The following FNBP1 variants were observed in gnomAD, a reference collection of about 807,000 sequenced individuals.
FNBP1 encodes formin binding protein 1, also known as formin-binding protein 1.
A neutral mutation model predicts 90.6 loss-of-function variants in FNBP1; 26 were observed. That is an observed-to-expected ratio of 0.29 (90% CI 0.21 to 0.40). The LOEUF (loss-of-function observed/expected upper bound fraction) is 0.40, where lower values mean the gene tolerates loss of function less well. Among genes scored for constraint, FNBP1 ranks in the 10% least tolerant of loss-of-function variants. The pLI is 1.00. For synonymous variants in FNBP1, 260 were observed against 265.2 expected (o/e 0.98, Z 0.19); for missense variants, 635 against 768.0 (o/e 0.83, Z 2.05).
chr9:130,029,901 T>G (rs532339446), intron 1 of FNBP1, among the ~76,000 whole-genome samples: 2 of 152,008 alleles, frequency 1.3e-5, no homozygotes, highest in Non-Finnish European at 2.9e-5. Context: ...GGAGGATTGC[T>G]TGAGCCCGGG....
intron 4 of FNBP1, among the ~76,000 whole-genome samples, chr9:129,969,433 G>A (rs149963161): frequency 9.5e-4 from 145 of 152,246 alleles, no homozygotes; most frequent in Middle Eastern, 6.8e-3. Context: ...GTTTACTGCT[G>A]TATTGTTTAC....
intron 2 of FNBP1, among the ~76,000 whole-genome samples, chr9:129,992,601 T>G (rs994742001): frequency 7.6e-6 from 1 of 131,848 alleles, no homozygotes; most frequent in African/African-American, 2.8e-5. Flanking sequence ...TTGCCCAGGC[T>G]GGAGTGCAGT....
chr9:129,892,414 C>CACAA (rs56282507), intron 16 of FNBP1, among the ~76,000 whole-genome samples: 18,068 of 125,054 alleles, frequency 0.14, 1,631 homozygotes, highest in Middle Eastern at 0.17. Flanking sequence ...CACACACACA[C>CACAA]ACAAAAAGGT....
rs1022291851 is a variant in FNBP1 at position 129,978,590 on chromosome 9, T to C, written c.220A>G (p.Ile74Val). The C allele has an allele frequency of 1.2e-6, 2 of 1,613,788 alleles. No homozygotes were observed. The highest frequency in any genetic ancestry group is 1.3e-5 in the African/African-American group (1 of 74,894). ...EYKYTSCKAF[I>V]SNLNEMNDYA... Reference sequence around the variant, plus strand: ...TCATTCATTTCGTTCAGGTTGGAAATGAAAGCTTTACATGACGTATACCTA... The same window carrying C: ...TCATTCATTTCGTTCAGGTTGGAAACGAAAGCTTTACATGACGTATACCTA... The change falls in exon 4 of 17, where the codon ATT becomes GTT. Residue 74 changes from isoleucine (I) to valine (V), a missense_variant. Physicochemically the swap from Ile to Val is conservative, Grantham distance 29. Transcript: ENST00000446176.
chr9:129,893,637 A>AAAAAAACAAG (rs56397008), intron 16 of FNBP1, among the ~76,000 whole-genome samples: 1 of 62,224 alleles, frequency 1.6e-5, no homozygotes, highest in Non-Finnish European at 2.6e-5. Context: ...AAAAAAAAAA[A>AAAAAAACAAG]GCCAGGCACG....
At chr9:129,964,557 T>G (rs1461977231) in intron 4 of FNBP1, among the ~76,000 whole-genome samples, 1 of 151,904 alleles carries the variant, frequency 6.6e-6, no homozygotes, top group Non-Finnish European at 1.5e-5. Context: ...CCTTCAAATT[T>G]TTTAAAGAAA....
At chr9:129,967,414 G>A (rs1186010631) in intron 4 of FNBP1, among the ~76,000 whole-genome samples, 1 of 152,224 alleles carries the variant, frequency 6.6e-6, no homozygotes, top group Admixed American at 6.5e-5. Flanking sequence ...TACTTGGGAG[G>A]CTGAGGCAGG....
intron 6 of FNBP1, among the ~76,000 whole-genome samples, chr9:129,930,379 T>G (rs1386423013): frequency 2.0e-5 from 3 of 152,132 alleles, no homozygotes; most frequent in Non-Finnish European, 2.9e-5. Flanking sequence ...TCCATGAATT[T>G]TTAAACCCAG....
rs116430879 is a variant in FNBP1, at chr9:129,985,092, G to A, written c.141-5718C>T. 2.8e-3 allele frequency among the ~76,000 whole-genome samples: 419 copies of A among 151,966 alleles called. 2 individuals are homozygous for A. Among genetic ancestry groups the A allele is most frequent in the African/African-American group, 9.8e-3 (407 of 41,452 alleles). ...GAGTCTCGAAGCCAGGCCCTTTCGC[G>A]ACCCTGACTCTATAAACACCTGTCC... On this transcript the variant is annotated intron_variant, in intron 2 of 16. Transcript: ENST00000446176.
chr9:130,001,868 C>T (rs2054899693), intron 1 of FNBP1, among the ~76,000 whole-genome samples: 1 of 148,440 alleles, frequency 6.7e-6, no homozygotes, highest in South Asian at 2.1e-4. Context: ...TACAAAAATA[C>T]AAAAAAAAAA....
intron 4 of FNBP1, among the ~76,000 whole-genome samples, chr9:129,974,214 A>G (rs534303113): frequency 9.9e-5 from 15 of 151,980 alleles, no homozygotes; most frequent in African/African-American, 3.6e-4. Context: ...AACTCACTGG[A>G]AAAAAAACCA....
chr9:129,935,312 T>G (rs901226823), intron 6 of FNBP1, among the ~76,000 whole-genome samples: 3 of 151,812 alleles, frequency 2.0e-5, no homozygotes, highest in African/African-American at 7.3e-5. Context: ...TCAATATTAC[T>G]TTTTCCTTAA....
At chr9:130,052,622 C>T in the FNBP1 span, among the ~76,000 whole-genome samples, 3 of 151,602 alleles carry the variant, frequency 2.0e-5, no homozygotes, top group Middle Eastern at 6.8e-3. Flanking sequence ...TTAGTAGAGA[C>T]GAGGTTTTGC....
At chr9:130,025,110 G>A (rs913361460) in intron 1 of FNBP1, among the ~76,000 whole-genome samples, 1 of 152,012 alleles carries the variant, frequency 6.6e-6, no homozygotes, top group African/African-American at 2.4e-5. Flanking sequence ...AACCCAGAAG[G>A]TGGAGGTTGC....
In FNBP1 at chr9:129,895,766, G is replaced by A. The variant is rs1010487327; in HGVS notation, c.1846+72C>T. 3.6e-5 allele frequency: 52 copies of A among 1,448,798 alleles called. No homozygotes were observed. In the Middle Eastern group the frequency reaches 5.6e-4, roughly 16 times the overall value. 89.7% of individuals were successfully genotyped at this position (1,448,798 alleles called of 1,614,324 possible). On this transcript the variant is annotated intron_variant, in intron 16 of 16. Transcript: ENST00000446176. ...TTGAGGAACTGCCTGTAACAGTCAT[G>A]GTTGTGGGGAGAAACAACTCCATTT...
intron 4 of FNBP1, among the ~76,000 whole-genome samples, chr9:129,975,035 A>G (rs1235572726): frequency 6.6e-6 from 1 of 152,176 alleles, no homozygotes; most frequent in East Asian, 1.9e-4. Flanking sequence ...CCTGGCCAAC[A>G]TGATGAAACT....
At chr9:129,961,137 A>AT (rs2132938848) in intron 4 of FNBP1, among the ~76,000 whole-genome samples, 1 of 151,194 alleles carries the variant, frequency 6.6e-6, no homozygotes, top group African/African-American at 2.4e-5. Flanking sequence ...ACATGGTGAA[A>AT]CCCCGTCTCT....
chr9:130,001,338 A>C (rs1486209143), intron 1 of FNBP1, among the ~76,000 whole-genome samples: 11 of 151,100 alleles, frequency 7.3e-5, no homozygotes, highest in African/African-American at 1.7e-4. Flanking sequence ...ACAAAAAAAA[A>C]CAGCTAATGG....
At chr9:130,029,594 G>T (rs1271660729) in intron 1 of FNBP1, among the ~76,000 whole-genome samples, 1 of 152,128 alleles carries the variant, frequency 6.6e-6, no homozygotes, top group African/African-American at 2.4e-5. Context: ...GAATAAAAAT[G>T]AGCAAAAACT....
Sources: allele counts gnomAD v4.1 joint callset (sites outside exome capture counted in the v4.1 genomes callset), GRCh38; gene constraint gnomAD v4.1.1; transcripts MANE v1.5; gene names NCBI Gene and HGNC (gene_info 2026-07-23, HGNC 2026-07-21).